SAMD7: variants seen among roughly 807,000 people sequenced by gnomAD.
The protein encoded by SAMD7 is sterile alpha motif domain containing 7, also known as sterile alpha motif domain-containing protein 7.
SAMD7 carries 34 observed loss-of-function variants against 36.7 expected under a neutral mutation model. The ratio of observed to expected loss-of-function variants is 0.93; its 90% CI spans 0.71 to 1.23. The LOEUF (loss-of-function observed/expected upper bound fraction) is 1.23, where lower values mean the gene tolerates loss of function less well. Ranked by LOEUF, SAMD7 falls within the 50% of genes most tolerant of loss-of-function variation. The pLI is 0.00. For synonymous variants in SAMD7, 188 were observed against 189.7 expected, an observed-to-expected ratio of 0.99 and a Z score of 0.07; for missense variants, 570 against 546.6, an observed-to-expected ratio of 1.04 and a Z score of -0.43.
chr3:169,925,194 C>A, intron 5 of SAMD7, 58 bp downstream of exon 5: 1 of 1,090,344 alleles, frequency 9.2e-7, no homozygotes, highest in Non-Finnish European at 1.4e-6. Flanking sequence ...CATTTATTCA[C>A]TTGTTATCTT....
intron 5 of SAMD7, 108 bp downstream of exon 5, chr3:169,925,244 A>G: frequency 1.6e-6 from 1 of 636,810 alleles, no homozygotes; most frequent in Admixed American, 3.3e-5. Context: ...TAACAAATAA[A>G]TACACACACA....
At chr3:169,928,367 C>A in intron 6 of SAMD7, 90 bp from the exon 7 acceptor site, 1 of 1,106,370 alleles carries the variant, frequency 9.0e-7, no homozygotes, top group Non-Finnish European at 1.3e-6. Context: ...CAAATCAAGA[C>A]CACTCTGGGG....
chr3:169,937,016 G>A (rs1713744084), intron 8 of SAMD7, among the ~76,000 whole-genome samples: 1 of 152,156 alleles, frequency 6.6e-6, no homozygotes, highest in Non-Finnish European at 1.5e-5. Flanking sequence ...CAATTAAAAA[G>A]TGATGAGCCT....
At chr3:169,932,989 T>C in intron 7 of SAMD7, 1 of 722,110 alleles carries the variant, frequency 1.4e-6, no homozygotes, top group South Asian at 1.4e-5. Context: ...TTTCCCCCCC[T>C]CTATCAGTGT....
chr3:169,915,652 T>C lies in SAMD7; in HGVS notation c.-42+211T>C, dbSNP rs191097722. Among the ~76,000 whole-genome samples, 17 of 148,520 alleles carry C rather than the reference T, an allele frequency of 1.1e-4. No individual in the cohort carries two copies. The East Asian group carries it at 2.0e-3, about 17-fold the overall frequency. ...CAGGCTGGAGTGCAGCGGTGCGATC[T>C]TGGCTCACTGCAACCTCTGCCTCCT... On this transcript the variant is annotated intron_variant, in intron 2 of 8. Transcript: ENST00000335556.
chr3:169,918,195 C>T (rs919409918), intron 2 of SAMD7, among the ~76,000 whole-genome samples: 5 of 152,210 alleles, frequency 3.3e-5, no homozygotes, highest in Non-Finnish European at 5.9e-5. Context: ...GCCTCAGCCT[C>T]CCAAAGTGCT....
intron 7 of SAMD7, chr3:169,932,630 T>A: frequency 3.7e-6 from 2 of 537,728 alleles, no homozygotes; most frequent in South Asian, 1.5e-5. Flanking sequence ...AGAAACAGAA[T>A]CAGCTTGTGC....
chr3:169,916,771 A>G (rs1712820518), intron 2 of SAMD7, among the ~76,000 whole-genome samples: 1 of 152,164 alleles, frequency 6.6e-6, no homozygotes, highest in Non-Finnish European at 1.5e-5. Flanking sequence ...AAGTTCAACA[A>G]TTTTTCAAAA....
Position 169,938,503 on chromosome 3 carries a change from C to A in SAMD7, c.1338C>A (p.Asn446Lys), listed in dbSNP as rs558421009. 5.6e-6 allele frequency: 9 copies of A among 1,600,012 alleles called. No individual in the cohort carries two copies. In the East Asian group the frequency reaches 2.0e-4, roughly 36 times the overall value. Residue 446 changes from asparagine to lysine, a missense_variant, in exon 9 of 9, where the codon AAC becomes AAA. By Grantham distance (94) the Asn-to-Lys change is moderately conservative. Transcript: ENST00000335556. ...GAATTGAGCGAGGTAGTATGAGAAA[C>A]TAAAAGCCCTCAAGGAGGAAGAATA... is the stretch of plus-strand genomic sequence containing the variant. ...PKGIERGSMR[N>K]
chr3:169,933,656 A>G (rs1169237408), intron 7 of SAMD7, among the ~76,000 whole-genome samples: 1 of 152,224 alleles, frequency 6.6e-6, no homozygotes, highest in Non-Finnish European at 1.5e-5. Flanking sequence ...ACTAAAATCT[A>G]TTAGAACACA....
chr3:169,925,681 G>A (rs1713229649), intron 5 of SAMD7, among the ~76,000 whole-genome samples: 1 of 152,196 alleles, frequency 6.6e-6, no homozygotes, highest in African/African-American at 2.4e-5. Flanking sequence ...AGCCGAGATT[G>A]CACCACTGTG....
chr3:169,932,866 T>C, intron 7 of SAMD7: 2 of 622,020 alleles, frequency 3.2e-6, no homozygotes, highest in Non-Finnish European at 3.1e-6. Context: ...TGATTGACAA[T>C]GCTGACTGCC....
At chr3:169,924,452 T>C (rs1376806951) in intron 4 of SAMD7, among the ~76,000 whole-genome samples, 5 of 152,030 alleles carry the variant, frequency 3.3e-5, no homozygotes, top group Non-Finnish European at 7.4e-5. Context: ...CTGGGTGTGG[T>C]GGCATGCGCC....
chr3:169,931,832 G>A (rs1713506535), intron 7 of SAMD7, among the ~76,000 whole-genome samples: 1 of 152,072 alleles, frequency 6.6e-6, no homozygotes, highest in Admixed American at 6.5e-5. Context: ...TGCACTGCAT[G>A]GGTAGCCACG....
In SAMD7 at chr3:169,936,171, A is replaced by T. The variant is rs2421904; in HGVS notation, c.1042-168A>T. On this transcript the variant is annotated intron_variant, in intron 7 of 8. Coordinates refer to ENST00000335556, the MANE Select transcript of SAMD7 (RefSeq NM_001304366.2). The stretch of plus-strand genomic sequence containing the variant: ...AAGGTTATTAAAGAGCACAAGCAAT[A>T]TGCTACTGAGCACAGAAAAGAGAGC... Among the ~76,000 whole-genome samples the T allele has an allele frequency of 7.7e-3, 1,167 of 152,172 alleles. 19 individuals are homozygous for T. Among genetic ancestry groups the T allele is most frequent in the African/African-American group, 0.027 (1,122 of 41,484 alleles).
In SAMD7 at chr3:169,926,903, A is replaced by T; in HGVS notation, c.641A>T (p.His214Leu). ...QAEEKILGQTHAVPYEEDHYA... is the reference protein window; with the variant it reads ...QAEEKILGQTLAVPYEEDHYA... ...GAAGAAAAAATCCTAGGTCAGACTC[A>T]TGCAGTTCCCTATGAAGAGGATCAT... The change falls in exon 6 of 9, where the codon CAT (histidine) becomes CTT (leucine). Residue 214 changes from histidine to leucine, a missense_variant. Coordinates refer to ENST00000335556, the MANE Select transcript of SAMD7 (RefSeq NM_001304366.2). 6.2e-7 allele frequency: 1 copy of T among 1,613,982 alleles called. No individual in the cohort carries two copies. Among genetic ancestry groups the T allele is most frequent in the South Asian group, 1.1e-5 (1 of 91,064 alleles).
At chr3:169,934,974 G>A (rs903623362) in intron 7 of SAMD7, among the ~76,000 whole-genome samples, 1 of 152,198 alleles carries the variant, frequency 6.6e-6, no homozygotes, top group African/African-American at 2.4e-5. Context: ...AACAATGTCA[G>A]ATGCAGCCAG....
Position 169,919,468 on chromosome 3 carries a change from G to A in SAMD7, c.-31G>A. 1 of 1,555,678 alleles carries A rather than the reference G, an allele frequency of 6.4e-7. No individual in the cohort carries two copies. Among genetic ancestry groups the A allele is most frequent in the Non-Finnish European group, 8.9e-7 (1 of 1,126,658 alleles). ...TCTGGTTCTTTTTAGAACTCCATTA[G>A]TGGCGAGAGATATTGAAGACAAACC... On this transcript the variant is annotated 5_prime_UTR_variant, in exon 3 of 9. In the 5' UTR this introduces an upstream ATG that the reference lacks. Transcript: ENST00000335556.
At chr3:169,931,614 C>G (rs1187352804) in intron 7 of SAMD7, among the ~76,000 whole-genome samples, 1 of 152,144 alleles carries the variant, frequency 6.6e-6, no homozygotes, top group Non-Finnish European at 1.5e-5. Context: ...GCCACCGCAC[C>G]TGGCTCTTTA....
Sources: gnomAD v4.1 joint callset for allele counts (sites outside exome capture counted in the v4.1 genomes callset) on GRCh38, gnomAD v4.1.1 for gene constraint, MANE v1.5 for transcripts, NCBI Gene and HGNC (gene_info 2026-07-23, HGNC 2026-07-21) for gene names.